The following DAB1 variants were observed in gnomAD, a reference collection of about 807,000 sequenced individuals.
DAB1 encodes the protein disabled homolog 1.
In DAB1, 15 loss-of-function variants were observed where a neutral mutation model predicts 64.6. The ratio of observed to expected loss-of-function variants is 0.23; its 90% confidence interval spans 0.16 to 0.36. DAB1 has a LOEUF of 0.36. DAB1 is among the 10% of genes least tolerant of loss of function. The pLI is 1.00. For synonymous variants in DAB1, 235 were observed against 251.9 expected (o/e 0.93, Z 0.64); for missense variants, 596 against 706.7 (o/e 0.84, Z 1.78).
At chr1:57,666,893 G>C (rs1646454722) in intron 6 of DAB1, among the ~76,000 whole-genome samples, 1 of 150,938 alleles carries the variant, frequency 6.6e-6, no homozygotes, top group Non-Finnish European at 1.5e-5. Context: ...GGAGAGGGAA[G>C]GGGAGGGGGA....
At chr1:58,288,955 A>T (rs940817640) in intron 4 of DAB1, among the ~76,000 whole-genome samples, 1 of 152,194 alleles carries the variant, frequency 6.6e-6, no homozygotes, top group African/African-American at 2.4e-5. Context: ...GAATACCCTG[A>T]ACTGGCTCTG....
chr1:58,249,780 CT>C (rs1408626546), intron 4 of DAB1, among the ~76,000 whole-genome samples: 5 of 152,262 alleles, frequency 3.3e-5, no homozygotes, highest in Admixed American at 3.3e-4. Context: ...GCAAGAGCCG[CT>C]TGTCTCGGGG....
chr1:57,584,948 T>C (rs1645359380), intron 7 of DAB1, among the ~76,000 whole-genome samples: 1 of 146,048 alleles, frequency 6.8e-6, no homozygotes, highest in Non-Finnish European at 1.5e-5. Flanking sequence ...TCGAATTCTT[T>C]CTCCATTAAG....
chr1:57,259,766 T>C (rs1444207031), intron 2 of DAB1, among the ~76,000 whole-genome samples: 1 of 152,216 alleles, frequency 6.6e-6, no homozygotes, highest in Non-Finnish European at 1.5e-5. Context: ...TTGCTGCCAA[T>C]TACTTCTGAG....
chr1:57,166,801 A>G (rs1557849127), intron 2 of DAB1, among the ~76,000 whole-genome samples: 1 of 152,226 alleles, frequency 6.6e-6, no homozygotes, highest in Non-Finnish European at 1.5e-5. Flanking sequence ...GGCACCCATC[A>G]TAAGTCAGGA....
chr1:58,114,525 A>T (rs1652201100), intron 5 of DAB1, among the ~76,000 whole-genome samples: 1 of 152,226 alleles, frequency 6.6e-6, no homozygotes, highest in African/African-American at 2.4e-5. Flanking sequence ...GGGTCATCAA[A>T]CTATGGCCCA....
At chr1:57,722,851 G>A (rs990267406) in intron 6 of DAB1, among the ~76,000 whole-genome samples, 2 of 152,054 alleles carry the variant, frequency 1.3e-5, no homozygotes, top group Admixed American at 6.6e-5. Flanking sequence ...TGGGCCTGTG[G>A]GACTCAGATC....
At chr1:57,744,932 CTG>C (rs1456091220) in intron 6 of DAB1, among the ~76,000 whole-genome samples, 3 of 152,230 alleles carry the variant, frequency 2.0e-5, no homozygotes, top group African/African-American at 4.8e-5. Flanking sequence ...GTTTGGAAAA[CTG>C]TGTTTTTCAC....
intron 3 of DAB1, among the ~76,000 whole-genome samples, chr1:58,398,383 T>C (rs1330598245): frequency 6.6e-6 from 1 of 152,188 alleles, no homozygotes; most frequent in Non-Finnish European, 1.5e-5. Flanking sequence ...TGACTTCTAA[T>C]CTCCCAAGAC....
At chr1:57,223,964 C>T in intron 2 of DAB1, among the ~76,000 whole-genome samples, 1 of 152,156 alleles carries the variant, frequency 6.6e-6, no homozygotes, top group East Asian at 1.9e-4. Flanking sequence ...CTGGGTCCAG[C>T]CCTTACTAGC....
intron 4 of DAB1, among the ~76,000 whole-genome samples, chr1:58,172,097 C>A (rs1417394925): frequency 6.6e-6 from 1 of 152,132 alleles, no homozygotes; most frequent in African/African-American, 2.4e-5. Flanking sequence ...CAAGGAGAAC[C>A]AGAGGGCAAA....
At chr1:58,408,474 G>A (rs1644637764) in intron 3 of DAB1, among the ~76,000 whole-genome samples, 1 of 152,180 alleles carries the variant, frequency 6.6e-6, no homozygotes, top group South Asian at 2.1e-4. Flanking sequence ...AAGCTCCACT[G>A]GAGAGCAAGG....
chr1:58,343,339 T>A (rs1643962060), intron 4 of DAB1: 1 of 152,208 alleles, frequency 6.6e-6, no homozygotes, highest in South Asian at 2.1e-4. Context: ...TCTAGGTAGT[T>A]CCTTAGACTT....
intron 2 of DAB1, among the ~76,000 whole-genome samples, chr1:57,283,428 T>G (rs534083565): frequency 2.1e-4 from 32 of 152,224 alleles, no homozygotes; most frequent in Non-Finnish European, 3.8e-4. Context: ...ATGGTGGGAG[T>G]TGGGGGCCAC....
At chr1:57,605,971 C>G (rs1374340842) in intron 7 of DAB1, 2 of 681,700 alleles carry the variant, frequency 2.9e-6, no homozygotes, top group Admixed American at 1.8e-5. Context: ...CATCTGGAAA[C>G]GACCTCATGT....
At chr1:57,050,955 G>C (rs1455336229) in intron 9 of DAB1, among the ~76,000 whole-genome samples, 1 of 152,174 alleles carries the variant, frequency 6.6e-6, no homozygotes, top group African/African-American at 2.4e-5. Context: ...ATGAAGGTCT[G>C]TCATTGTAGG....
chr1:58,436,015 C>G (rs370918610), intron 3 of DAB1, among the ~76,000 whole-genome samples: 152 of 152,342 alleles, frequency 1.0e-3, no homozygotes, highest in African/African-American at 3.6e-3. Context: ...CCATCCCCAG[C>G]ACCAGCCTGT....
chr1:57,347,839 T>G (rs1413953212), intron 1 of DAB1, among the ~76,000 whole-genome samples: 4 of 152,166 alleles, frequency 2.6e-5, no homozygotes, highest in Non-Finnish European at 5.9e-5. Context: ...GCTAAGTTAC[T>G]GCTAAAAGGA....
intron 5 of DAB1, among the ~76,000 whole-genome samples, chr1:58,116,049 T>A (rs932942940): frequency 2.0e-5 from 3 of 150,698 alleles, no homozygotes; most frequent in East Asian, 1.9e-4. Flanking sequence ...TAAAAAAAAA[T>A]AAATAAATTA....
Sources: gnomAD v4.1 joint callset for allele counts (sites outside exome capture counted in the v4.1 genomes callset) on GRCh38, gnomAD v4.1.1 for gene constraint, MANE v1.5 for transcripts, NCBI Gene and HGNC (gene_info 2026-07-23, HGNC 2026-07-21) for gene names.